The following KANK4 variants were observed in gnomAD, a reference collection of about 807,000 sequenced individuals.
The protein encoded by KANK4 is KN motif and ankyrin repeat domain-containing protein 4.
A neutral mutation model predicts 80.8 loss-of-function variants in KANK4; 50 were observed. That is an observed-to-expected ratio of 0.62 (90% CI 0.49 to 0.78). The LOEUF is 0.78. KANK4 is among the 30% of genes least tolerant of loss of function. The probability of loss-of-function intolerance (pLI) is 0.00; values close to 1 mark genes in which losing one functional copy is unlikely to be tolerated. For synonymous variants in KANK4, 465 were observed against 506.9 expected, an observed-to-expected ratio of 0.92 and a Z score of 1.11; for missense variants, 1,196 against 1,240.1, an observed-to-expected ratio of 0.96 and a Z score of 0.53.
At chr1:62,311,937 T>A (rs865961924) in intron 1 of KANK4, among the ~76,000 whole-genome samples, 2 of 152,256 alleles carry the variant, frequency 1.3e-5, no homozygotes, top group Middle Eastern at 6.8e-3. Context: ...ATATAAAAAG[T>A]CAGGGTGAGG....
At chr1:62,254,880 A>ATT (rs3066333) in intron 7 of KANK4, among the ~76,000 whole-genome samples, 116 of 65,714 alleles carry the variant, frequency 1.8e-3, no homozygotes, top group Non-Finnish European at 2.3e-3. Context: ...TAAACCTGGT[A>ATT]TTTTTTTTTT....
At chr1:62,316,332 G>A (rs1644540111) in intron 1 of KANK4, among the ~76,000 whole-genome samples, 1 of 152,192 alleles carries the variant, frequency 6.6e-6, no homozygotes, top group African/African-American at 2.4e-5. Context: ...TTTTCTCCCT[G>A]TCACACCTTA....
intron 1 of KANK4, among the ~76,000 whole-genome samples, chr1:62,284,058 T>C (rs1398585498): frequency 6.6e-6 from 1 of 152,078 alleles, no homozygotes; most frequent in African/African-American, 2.4e-5. Context: ...GGGCTCATAA[T>C]ACAGGAAGGA....
intron 9 of KANK4, among the ~76,000 whole-genome samples, chr1:62,243,268 C>A (rs1347268529): frequency 6.6e-6 from 1 of 152,180 alleles, no homozygotes; most frequent in Non-Finnish European, 1.5e-5. Flanking sequence ...GCTACCTAAA[C>A]CCACCTGGAT....
chr1:62,273,533 C>T lies in KANK4; in HGVS notation c.1571G>A (p.Trp524Ter). 1 of 1,613,472 alleles carries T rather than the reference C, an allele frequency of 6.2e-7. No homozygotes were observed. Residue 524 changes from tryptophan (W) to a stop codon, truncating the protein, a stop_gained, in exon 3 of 10, where the codon TGG (tryptophan) becomes TAG (stop). Transcript: ENST00000371153. LOFTEE classifies it high-confidence loss of function. ...GGTRGAGGFL[W>*]GSDRKTPPAG... ...TGGGGGAGTCTTTCTGTCGCTGCCC[C>T]ACAGAAAGCCTCCTGCTCCCCTGGT...
intron 2 of KANK4, among the ~76,000 whole-genome samples, chr1:62,276,627 G>A (rs191040479): frequency 0.012 from 1,833 of 151,892 alleles, 35 homozygotes; most frequent in African/African-American, 0.042. Flanking sequence ...AATACAAAAA[G>A]TTAGCCGGGC....
At chr1:62,263,783 G>T (rs910202054) in intron 6 of KANK4, among the ~76,000 whole-genome samples, 2 of 152,176 alleles carry the variant, frequency 1.3e-5, no homozygotes, top group Non-Finnish European at 2.9e-5. Flanking sequence ...ACATGCATGC[G>T]AAGGCAAACA....
intron 9 of KANK4, among the ~76,000 whole-genome samples, chr1:62,243,842 C>T (rs776633151): frequency 5.3e-5 from 8 of 152,144 alleles, no homozygotes; most frequent in Non-Finnish European, 8.8e-5. Context: ...GTGGCTTCTC[C>T]CTTCAGGGGT....
intron 1 of KANK4, among the ~76,000 whole-genome samples, chr1:62,314,594 C>T (rs186170337): frequency 5.3e-5 from 8 of 152,214 alleles, no homozygotes; most frequent in African/African-American, 1.7e-4. Context: ...TTCTCTCCCC[C>T]CTTGTCATTT....
At chr1:62,289,619 C>T (rs1241201591) in intron 1 of KANK4, among the ~76,000 whole-genome samples, 1 of 152,050 alleles carries the variant, frequency 6.6e-6, no homozygotes, top group African/African-American at 2.4e-5. Context: ...CAGCAAAATA[C>T]AATGGTGAAG....
chr1:62,246,344 A>G (rs1671465514), intron 9 of KANK4, among the ~76,000 whole-genome samples: 2 of 152,128 alleles, frequency 1.3e-5, no homozygotes, highest in South Asian at 2.1e-4. Context: ...AGGCACTTTC[A>G]GTTAAGTGAC....
chr1:62,265,074 G>A (rs1023913758), intron 6 of KANK4, among the ~76,000 whole-genome samples: 25 of 152,158 alleles, frequency 1.6e-4, no homozygotes, highest in East Asian at 3.9e-4. Context: ...CAGGTGATCC[G>A]TCCATCTCGG....
intron 1 of KANK4, among the ~76,000 whole-genome samples, chr1:62,312,071 G>C (rs534147252): frequency 7.2e-5 from 11 of 152,056 alleles, no homozygotes; most frequent in African/African-American, 2.7e-4. Context: ...ATTTAAAAAT[G>C]CATAAAATAA....
intron 9 of KANK4, among the ~76,000 whole-genome samples, chr1:62,241,110 A>G (rs1671330701): frequency 6.6e-6 from 1 of 152,210 alleles, no homozygotes; most frequent in Admixed American, 6.5e-5. Context: ...AATATGGACA[A>G]TTCTTTCACA....
intron 1 of KANK4, among the ~76,000 whole-genome samples, chr1:62,297,402 C>G (rs1281607881): frequency 6.6e-6 from 1 of 152,086 alleles, no homozygotes; most frequent in East Asian, 1.9e-4. Context: ...TCACAGATCA[C>G]AGGTTCAGGG....
chr1:62,315,354 T>C (rs1182364749), intron 1 of KANK4, among the ~76,000 whole-genome samples: 1 of 152,210 alleles, frequency 6.6e-6, no homozygotes, highest in Non-Finnish European at 1.5e-5. Flanking sequence ...TCATTTAATA[T>C]GGACCATGAC....
intron 1 of KANK4, among the ~76,000 whole-genome samples, chr1:62,303,440 G>A (rs1355028409): frequency 6.6e-6 from 1 of 152,010 alleles, no homozygotes; most frequent in Non-Finnish European, 1.5e-5. Context: ...CAGCCATGAT[G>A]TGTTATAGCT....
intron 6 of KANK4, among the ~76,000 whole-genome samples, chr1:62,265,422 T>C (rs1045474901): frequency 2.6e-5 from 4 of 151,056 alleles, no homozygotes; most frequent in East Asian, 4.0e-4. Flanking sequence ...TGTATTTTTT[T>C]GTAGAGACAG....
At position 62,279,191 on chromosome 1, in the gene KANK4, A is replaced by AGCGCGCGC. The variant is rs766521694; in HGVS notation, c.16+2350_16+2357dup. ...GGTTTAATAGGTGCTTTCCTAAGCT[A>AGCGCGCGC]GCGCGCGCACACACACACACACACA... On this transcript the variant is annotated intron_variant, in intron 2 of 9. Transcript: ENST00000371153. 7.4e-3 allele frequency among the ~76,000 whole-genome samples: 1,029 copies of AGCGCGCGC among 139,380 alleles called. 15 individuals carry two copies. Among genetic ancestry groups the AGCGCGCGC allele is most frequent in the African/African-American group, 0.026 (982 of 37,216 alleles). 91.4% of individuals were successfully genotyped at this position (139,380 alleles called of 152,430 possible). A position where few individuals can be genotyped will look rare whatever the true frequency, so the allele number is the denominator to read the frequency against.
Sources: allele counts gnomAD v4.1 joint callset (sites outside exome capture counted in the v4.1 genomes callset), GRCh38; gene constraint gnomAD v4.1.1; transcripts MANE v1.5; gene names NCBI Gene and HGNC (gene_info 2026-07-23, HGNC 2026-07-21).